The following SOX6 variants were observed in gnomAD, a reference collection of about 807,000 sequenced individuals.
The protein encoded by SOX6 is transcription factor SOX-6.
Under a neutral mutation model 97.8 loss-of-function variants are expected in SOX6, and 11 were observed. The observed-to-expected ratio is 0.11, with a 90% CI of 0.07 to 0.19. The LOEUF (loss-of-function observed/expected upper bound fraction) is 0.19. Ranked by LOEUF, SOX6 falls within the 10% of genes least tolerant of loss-of-function variation. The pLI is 1.00. For missense variants in SOX6, 810 were observed against 1,039.5 expected (o/e 0.78, Z 3.04); for synonymous variants, 360 against 371.4 (o/e 0.97, Z 0.35).
intron 3 of SOX6, among the ~76,000 whole-genome samples, chr11:16,275,788 T>C (rs1239212205): frequency 6.6e-6 from 1 of 152,216 alleles, no homozygotes; most frequent in Non-Finnish European, 1.5e-5. Context: ...TGTTATCACA[T>C]GTAATAATTT....
At chr11:16,010,148 ACAC>A (rs2133856681) in intron 13 of SOX6, among the ~76,000 whole-genome samples, 1 of 151,522 alleles carries the variant, frequency 6.6e-6, no homozygotes, top group South Asian at 2.1e-4. Flanking sequence ...ACACACACAC[ACAC>A]ACACACACAC....
chr11:16,367,563 A>G (rs1857390233), intron 1 of SOX6, among the ~76,000 whole-genome samples: 1 of 152,200 alleles, frequency 6.6e-6, no homozygotes, highest in African/African-American at 2.4e-5. Flanking sequence ...CAAAAGGAAG[A>G]AAGAGAATAG....
At chr11:16,458,969 G>A (rs1859866332) in intron 1 of SOX6, among the ~76,000 whole-genome samples, 1 of 151,998 alleles carries the variant, frequency 6.6e-6, no homozygotes, top group African/African-American at 2.4e-5. Flanking sequence ...ATGGCAAAAA[G>A]ATACCTGCAT....
At chr11:16,234,109 C>T (rs984767882) in intron 4 of SOX6, among the ~76,000 whole-genome samples, 1 of 151,866 alleles carries the variant, frequency 6.6e-6, no homozygotes, top group African/African-American at 2.4e-5. Flanking sequence ...GGATTTGAAC[C>T]AACGTAAACA....
At chr11:16,325,177 T>C (rs1314658631) in intron 2 of SOX6, among the ~76,000 whole-genome samples, 1 of 152,132 alleles carries the variant, frequency 6.6e-6, no homozygotes, top group Admixed American at 6.5e-5. Context: ...ATAAATTTCA[T>C]CTTCACATTT....
At chr11:16,221,900 T>C (rs1159008201) in intron 4 of SOX6, among the ~76,000 whole-genome samples, 1 of 152,144 alleles carries the variant, frequency 6.6e-6, no homozygotes, top group African/African-American at 2.4e-5. Context: ...TAGATTTTAA[T>C]ATAAAAGTAT....
intron 1 of SOX6, among the ~76,000 whole-genome samples, chr11:16,399,092 T>A (rs1280989899): frequency 2.6e-5 from 4 of 151,248 alleles, no homozygotes; most frequent in Non-Finnish European, 4.4e-5. Flanking sequence ...AGATTTACGA[T>A]CTAGACTAAA....
intron 4 of SOX6, among the ~76,000 whole-genome samples, chr11:16,566,620 G>C (rs979341579): frequency 6.6e-6 from 1 of 152,218 alleles, no homozygotes. Flanking sequence ...CAAGAAATAG[G>C]CATCAAAATA....
At chr11:16,152,111 C>G (rs183561132) in intron 6 of SOX6, among the ~76,000 whole-genome samples, 28 of 152,228 alleles carry the variant, frequency 1.8e-4, no homozygotes, top group Admixed American at 2.6e-4. Flanking sequence ...ATGTTTTTGA[C>G]AAAAACATGT....
At chr11:16,087,021 C>T (rs1444617639) in intron 9 of SOX6, among the ~76,000 whole-genome samples, 2 of 152,072 alleles carry the variant, frequency 1.3e-5, no homozygotes, top group Admixed American at 1.3e-4. Flanking sequence ...GAATCCTGAC[C>T]AAGAGGTAAA....
chr11:16,314,738 T>C (rs1453368862), intron 3 of SOX6: 2 of 152,188 alleles, frequency 1.3e-5, no homozygotes. Context: ...GTGGTTCCTA[T>C]GACATTGTCA....
intron 4 of SOX6, among the ~76,000 whole-genome samples, chr11:16,561,827 T>C (rs1439604487): frequency 6.6e-6 from 1 of 152,084 alleles, no homozygotes; most frequent in Non-Finnish European, 1.5e-5. Context: ...ACTCCTGGGC[T>C]CAAAAGAACC....
intron 9 of SOX6, among the ~76,000 whole-genome samples, chr11:16,081,344 G>A (rs1055480824): frequency 6.6e-6 from 1 of 151,954 alleles, no homozygotes; most frequent in Non-Finnish European, 1.5e-5. Context: ...ATCACCCTTG[G>A]CTCTTCATGT....
intron 3 of SOX6, among the ~76,000 whole-genome samples, chr11:16,637,635 A>G (rs1370445010): frequency 6.6e-6 from 1 of 152,188 alleles, no homozygotes; most frequent in African/African-American, 2.4e-5. Context: ...ACTATAATAA[A>G]CAGAATGCAA....
chr11:16,637,366 G>A (rs571652123), intron 3 of SOX6, among the ~76,000 whole-genome samples: 9 of 152,036 alleles, frequency 5.9e-5, no homozygotes, highest in East Asian at 1.9e-4. Flanking sequence ...GACTACAGGC[G>A]TGCACTACCA....
chr11:16,653,012 A>C (rs978823287), intron 3 of SOX6, among the ~76,000 whole-genome samples: 2 of 152,226 alleles, frequency 1.3e-5, no homozygotes, highest in African/African-American at 4.8e-5. Flanking sequence ...CATATGAAAA[A>C]AATGCTCAAT....
At chr11:16,416,825 T>C (rs1413011924) in intron 1 of SOX6, among the ~76,000 whole-genome samples, 2 of 152,194 alleles carry the variant, frequency 1.3e-5, no homozygotes, top group East Asian at 1.9e-4. Context: ...AATATCACAA[T>C]AGTGTCCCAT....
chr11:16,589,526 A>C (rs1471005323), intron 4 of SOX6, among the ~76,000 whole-genome samples: 4 of 152,218 alleles, frequency 2.6e-5, no homozygotes, highest in Non-Finnish European at 5.9e-5. Context: ...GGATAATATT[A>C]ATAATGTAGG....
intron 3 of SOX6, chr11:16,311,791 G>A (rs1855609557): frequency 6.6e-6 from 1 of 152,108 alleles, no homozygotes; most frequent in African/African-American, 2.4e-5. Context: ...TTTCCTCATT[G>A]TTTAAACTAT....
Sources: gnomAD v4.1 joint callset for allele counts (sites outside exome capture counted in the v4.1 genomes callset) on GRCh38, gnomAD v4.1.1 for gene constraint, MANE v1.5 for transcripts, NCBI Gene and HGNC (gene_info 2026-07-23, HGNC 2026-07-21) for gene names.